The following PARD6G variants were observed in gnomAD, a reference collection of about 807,000 sequenced individuals.
PARD6G encodes partitioning defective 6 homolog gamma.
In PARD6G, 7 loss-of-function variants were observed where a neutral mutation model predicts 10.7. The observed-to-expected ratio is 0.66, with a 90% confidence interval of 0.37 to 1.23. The LOEUF (loss-of-function observed/expected upper bound fraction) is 1.23. Ranked by LOEUF, PARD6G falls within the 50% of genes most tolerant of loss-of-function variation. The probability of loss-of-function intolerance (pLI) is 0.02; values close to 1 mark genes in which losing one functional copy is unlikely to be tolerated. For synonymous variants in PARD6G, 287 were observed against 269.4 expected (o/e 1.07, Z -0.64); for missense variants, 548 against 571.8 (o/e 0.96, Z 0.42).
intron 2 of PARD6G, among the ~76,000 whole-genome samples, chr18:80,179,497 A>C (rs1487450604): frequency 6.6e-6 from 1 of 152,208 alleles, no homozygotes; most frequent in African/African-American, 2.4e-5. Context: ...GGGGAGTCCC[A>C]GTGACATGCC....
At chr18:80,160,656 A>C (rs2052694251) in intron 2 of PARD6G, 50 bp from the exon 3 acceptor site, 1 of 1,426,960 alleles carries the variant, frequency 7.0e-7, no homozygotes, top group South Asian at 1.5e-5. Flanking sequence ...GCCCCGCCTG[A>C]GCCCTCGGCC....
Position 80,180,076 on chromosome 18 carries a change from G to A in PARD6G, c.296-19470C>T, listed in dbSNP as rs1282320652. Among the ~76,000 whole-genome samples, 2 of 152,234 alleles carry A rather than the reference G, an allele frequency of 1.3e-5. No individual in the cohort carries two copies. ...AGTTCAGTGGTCTGCAGAGAGGAGA[G>A]GAAAGGGGAAGCTGAATGTCCCGTG... On this transcript the variant is annotated intron_variant, in intron 2 of 2. Transcript: ENST00000353265. This position sits in a 1 kb window ranked among gnomAD's most constrained non-coding sequence, Gnocchi z 5.6.
At chr18:80,236,277 A>G (rs7233572) in intron 1 of PARD6G, among the ~76,000 whole-genome samples, 462 of 152,338 alleles carry the variant, frequency 3.0e-3, no homozygotes, top group African/African-American at 9.1e-3. Flanking sequence ...CAGATGCAGA[A>G]AAGGCCTTTG....
chr18:80,235,543 C>T (rs1390421355), intron 1 of PARD6G, among the ~76,000 whole-genome samples: 1 of 152,082 alleles, frequency 6.6e-6, no homozygotes, highest in Non-Finnish European at 1.5e-5. Flanking sequence ...ACACAAAAAA[C>T]CCTTCAAAAA....
chr18:80,192,245 G>A lies in PARD6G; in HGVS notation c.295+10465C>T, dbSNP rs926598322. Among the ~76,000 whole-genome samples, 1 of 152,206 alleles carries A rather than the reference G, an allele frequency of 6.6e-6. No individual in the cohort carries two copies. The highest frequency in any genetic ancestry group is 2.4e-5 in the African/African-American group (1 of 41,452). On this transcript the variant is annotated intron_variant, in intron 2 of 2. Transcript: ENST00000353265. This position sits in a 1 kb window ranked among gnomAD's most constrained non-coding sequence, Gnocchi z 4.9. ...AGAACATCAATGAACACTCTCCTTC[G>A]GTGGTCTCTGAGTCGTCCCTGAGGT...
In PARD6G at chr18:80,231,450, G is replaced by T. The variant is rs911931511; in HGVS notation, c.72+15827C>A. On this transcript the variant is annotated intron_variant, in intron 1 of 2. Coordinates refer to ENST00000353265, the MANE Select transcript of PARD6G (RefSeq NM_032510.4). The surrounding 1 kb of genome is among the most constrained non-coding windows in gnomAD (Gnocchi z 4.2). ...CCGAGCTGTGCTGCCCACTGGGAGC[G>T]GCTGAGGGGATGCAGGCTGGGTCAC... is the stretch of plus-strand genomic sequence containing the variant. Among the ~76,000 whole-genome samples, 1 of 152,152 alleles carries T rather than the reference G, an allele frequency of 6.6e-6. No homozygotes were observed. The highest frequency in any genetic ancestry group is 1.5e-5 in the Non-Finnish European group (1 of 68,022).
At chr18:80,199,335 T>C (rs1256282167) in intron 2 of PARD6G, among the ~76,000 whole-genome samples, 3 of 152,248 alleles carry the variant, frequency 2.0e-5, no homozygotes, top group Non-Finnish European at 4.4e-5. Context: ...CATCCATCTG[T>C]AGCATGTGTC....
rs546982461 is a variant in PARD6G, at chr18:80,188,874, G to T, written c.295+13836C>A. 3.9e-5 allele frequency among the ~76,000 whole-genome samples: 6 copies of T among 152,210 alleles called. No individual in the cohort carries two copies. Among genetic ancestry groups the T allele is most frequent in the African/African-American group, 1.4e-4 (6 of 41,454 alleles). On this transcript the variant is annotated intron_variant, in intron 2 of 2. Transcript: ENST00000353265. This position sits in a 1 kb window ranked among gnomAD's most constrained non-coding sequence, Gnocchi z 5.4. ...CAATCCCTACCGTTTCCCCACGTTC[G>T]TGAGGGAGGTGTGGACTTGCTGGGG...
intron 2 of PARD6G, among the ~76,000 whole-genome samples, chr18:80,190,449 C>T (rs1016730249): frequency 1.3e-5 from 2 of 152,190 alleles, no homozygotes; most frequent in Non-Finnish European, 2.9e-5. Context: ...CCCTTTAGGC[C>T]TCTGACCTGT....
At chr18:80,219,207 T>G (rs1300716664) in intron 1 of PARD6G, among the ~76,000 whole-genome samples, 4 of 151,236 alleles carry the variant, frequency 2.6e-5, no homozygotes, top group African/African-American at 7.3e-5. Context: ...AAATAGGGTT[T>G]GTTTGTTTGT....
intron 2 of PARD6G, chr18:80,177,978 C>CACACACA (rs1308950867): frequency 1.2e-5 from 2 of 162,542 alleles, no homozygotes. Context: ...TGCATACACA[C>CACACACA]ACACACACAC....
rs904066028 is a variant in PARD6G, at chr18:80,173,522, G to A, written c.296-12916C>T. Among the ~76,000 whole-genome samples, 11 of 152,050 alleles carry A rather than the reference G, an allele frequency of 7.2e-5. No homozygotes were observed. In the South Asian group the frequency reaches 2.3e-3, roughly 31 times the overall value. On this transcript the variant is annotated intron_variant, in intron 2 of 2. Transcript: ENST00000353265. Reference sequence around the variant, plus strand: ...CGCCTGTAATCCCAGCTACTCGGGAGGCTGAGGGAGGAAAATCGCTTGAAC... The same window carrying A: ...CGCCTGTAATCCCAGCTACTCGGGAAGCTGAGGGAGGAAAATCGCTTGAAC...
intron 1 of PARD6G, among the ~76,000 whole-genome samples, chr18:80,215,136 G>A (rs1289511025): frequency 6.6e-6 from 1 of 152,118 alleles, no homozygotes; most frequent in East Asian, 1.9e-4. Context: ...TTCCAAAAAT[G>A]AAGGAGAAGG....
At chr18:80,177,290 GCACA>G (rs372825491) in intron 2 of PARD6G, among the ~76,000 whole-genome samples, 5 of 62,800 alleles carry the variant, frequency 8.0e-5, no homozygotes, top group Non-Finnish European at 1.5e-4. Flanking sequence ...ACGCACACAC[GCACA>G]CACACACGGG....
At chr18:80,232,990 T>C (rs1967377565) in intron 1 of PARD6G, among the ~76,000 whole-genome samples, 3 of 152,122 alleles carry the variant, frequency 2.0e-5, no homozygotes, top group Non-Finnish European at 2.9e-5. Context: ...GACCTGGGGC[T>C]GCTCATCTCC....
At chr18:80,164,633 T>C (rs2052723115) in intron 2 of PARD6G, among the ~76,000 whole-genome samples, 2 of 152,198 alleles carry the variant, frequency 1.3e-5, no homozygotes, top group Non-Finnish European at 2.9e-5. Context: ...TTTGAAGATA[T>C]GTAATGGGGG....
At position 80,160,338 on chromosome 18, in the gene PARD6G, C is replaced by T. The variant is rs2280349; in HGVS notation, c.564G>A (p.Glu188=). The T allele has an allele frequency of 0.1, 165,420 of 1,611,598 alleles. 15,712 individuals are homozygous for T. The highest frequency in any genetic ancestry group is 0.47 in the East Asian group (20,956 of 44,836). The change falls in exon 3 of 3, where the codon GAG becomes GAA. Residue 188 remains glutamate (E), a synonymous_variant. Coordinates refer to ENST00000353265, the MANE Select transcript of PARD6G (RefSeq NM_032510.4). Reference sequence around the variant, plus strand: ...GCGAGATGAAGATGCCGGGCACCTTCTCCAGCCCGTGCGGGGTCACGCGCA... The same window carrying T: ...GCGAGATGAAGATGCCGGGCACCTTTTCCAGCCCGTGCGGGGTCACGCGCA... ...ASVRVTPHGL[E]KVPGIFISRM...
At position 80,157,363 on chromosome 18, in the gene PARD6G, A is replaced by C. The variant is rs2145234346; in HGVS notation, c.*2408T>G. On this transcript the variant is annotated 3_prime_UTR_variant, in exon 3 of 3. Coordinates refer to ENST00000353265, the MANE Select transcript of PARD6G (RefSeq NM_032510.4). Reference sequence around the variant, plus strand: ...GCAGAAGTACAGACCTGTGTAGAAAAATACACCCAAGCAGCTGTTCTAAGC... The same window carrying C: ...GCAGAAGTACAGACCTGTGTAGAAACATACACCCAAGCAGCTGTTCTAAGC... The C allele has an allele frequency of 1.3e-5, 2 of 152,292 alleles. No homozygotes were observed. The highest frequency in any genetic ancestry group is 4.8e-5 in the African/African-American group (2 of 41,552). The allele number at this position is 152,292 out of a possible 1,614,324, so 9.4% of individuals were successfully genotyped here. A position where few individuals can be genotyped will look rare whatever the true frequency, so the allele number is the denominator to read the frequency against.
intron 1 of PARD6G, among the ~76,000 whole-genome samples, chr18:80,234,178 C>G (rs1056370063): frequency 2.0e-5 from 3 of 152,236 alleles, no homozygotes; most frequent in African/African-American, 7.2e-5. Flanking sequence ...CAAAGGGCCC[C>G]AGCACAGCGA....
Sources: gnomAD v4.1 joint callset for allele counts (sites outside exome capture counted in the v4.1 genomes callset) on GRCh38, gnomAD v4.1.1 for gene constraint, Gnocchi (gnomAD v3.1) non-coding constraint, MANE v1.5 for transcripts, NCBI Gene and HGNC (gene_info 2026-07-23, HGNC 2026-07-21) for gene names.